The following ADGRL4 variants were observed in gnomAD, a reference collection of about 807,000 sequenced individuals.
ADGRL4 encodes the protein EGF, latrophilin and seven transmembrane domain containing 1.
ADGRL4 carries 90 observed loss-of-function variants against 74.8 expected under a neutral mutation model. That is an observed-to-expected ratio of 1.20 (90% confidence interval 1.02 to 1.43). ADGRL4 has a LOEUF of 1.43. Ranked by LOEUF, ADGRL4 falls within the 40% of genes most tolerant of loss-of-function variation. The pLI is 0.00. For missense variants in ADGRL4, 881 were observed against 814.3 expected, an observed-to-expected ratio of 1.08 and a Z score of -1.00; for synonymous variants, 311 against 279.2, an observed-to-expected ratio of 1.11 and a Z score of -1.14.
chr1:78,950,825 A>C (rs1466938337), intron 2 of ADGRL4, among the ~76,000 whole-genome samples: 1 of 152,164 alleles, frequency 6.6e-6, no homozygotes, highest in Non-Finnish European at 1.5e-5. Flanking sequence ...ACTTGGAGCG[A>C]TCTGGTGGAT....
chr1:78,895,966 A>G (rs1648388482), intron 12 of ADGRL4, among the ~76,000 whole-genome samples: 1 of 152,074 alleles, frequency 6.6e-6, no homozygotes, highest in Non-Finnish European at 1.5e-5. Context: ...AGGAGACTGC[A>G]CCTTAAATAG....
At chr1:79,001,243 G>GAGGGAGGA (rs1557526676) in intron 2 of ADGRL4, among the ~76,000 whole-genome samples, 3 of 124,748 alleles carry the variant, frequency 2.4e-5, no homozygotes, top group African/African-American at 9.3e-5. Flanking sequence ...GGGAGGGAGG[G>GAGGGAGGA]AGGAAGGAAG....
intron 2 of ADGRL4, among the ~76,000 whole-genome samples, chr1:78,986,789 G>T (rs1162149276): frequency 6.6e-6 from 1 of 151,696 alleles, no homozygotes; most frequent in Non-Finnish European, 1.5e-5. Context: ...ACTAAGAGTA[G>T]CTGGGGTCCT....
chr1:78,951,024 G>A (rs1224169771), intron 2 of ADGRL4, among the ~76,000 whole-genome samples: 4 of 152,076 alleles, frequency 2.6e-5, no homozygotes, highest in African/African-American at 4.8e-5. Flanking sequence ...GAAAGCTCAC[G>A]ACTCCCTTCT....
chr1:78,891,341 T>C lies in ADGRL4; in HGVS notation c.2011-125A>G, dbSNP rs558462927. ...GTATTATAGCTCAGAATATGTCCATTTAAGTTATATTTATATCCCTAATAC... is the reference window on the plus strand; with the variant it reads ...GTATTATAGCTCAGAATATGTCCATCTAAGTTATATTTATATCCCTAATAC... On this transcript the variant is annotated intron_variant, in intron 14 of 14. Transcript: ENST00000370742. 5.4e-5 allele frequency: 67 copies of C among 1,245,450 alleles called. No homozygotes were observed. The South Asian group carries it at 9.4e-4, about 17-fold the overall frequency. The allele number at this position is 1,245,450 out of a possible 1,614,324, so 77.1% of individuals were successfully genotyped here.
chr1:78,999,803 T>TCTATCTATCTAC (rs1350108129), intron 2 of ADGRL4, among the ~76,000 whole-genome samples: 20 of 144,592 alleles, frequency 1.4e-4, no homozygotes, highest in African/African-American at 5.2e-4. Flanking sequence ...TATCTATCTA[T>TCTATCTATCTAC]CTATCTATCT....
rs1230062014 is a variant in ADGRL4, at chr1:78,889,938, G to T, written c.*1216C>A. On this transcript the variant is annotated 3_prime_UTR_variant, in exon 15 of 15. Coordinates refer to ENST00000370742, the MANE Select transcript of ADGRL4 (RefSeq NM_022159.4). ...CACTGCTTATACATTTTAATGAGAA[G>T]ATTTAAAGACAGATAGAAGCTATAT... The T allele has an allele frequency of 5.5e-6, 2 of 364,908 alleles. No individual in the cohort carries two copies. The highest frequency in any genetic ancestry group is 1.1e-5 in the Non-Finnish European group (2 of 177,894). The allele number at this position is 364,908 out of a possible 1,614,324, so 22.6% of individuals were successfully genotyped here.
At chr1:78,955,617 G>T (rs938581306) in intron 2 of ADGRL4, among the ~76,000 whole-genome samples, 2 of 151,922 alleles carry the variant, frequency 1.3e-5, no homozygotes, top group Middle Eastern at 3.4e-3. Context: ...AAAATGTGAA[G>T]TTGAAATCTA....
At chr1:78,921,327 G>A (rs1552569) in intron 9 of ADGRL4, among the ~76,000 whole-genome samples, 13,275 of 150,044 alleles carry the variant, frequency 0.088, 778 homozygotes, top group East Asian at 0.33. Flanking sequence ...TGGGCAAATG[G>A]CTCTTGAAAG....
At chr1:78,974,119 A>T (rs1650231649) in intron 2 of ADGRL4, among the ~76,000 whole-genome samples, 1 of 152,130 alleles carries the variant, frequency 6.6e-6, no homozygotes, top group African/African-American at 2.4e-5. Context: ...TTCCTCCCTC[A>T]AACACGCATA....
chr1:78,992,249 G>C (rs374608876), intron 2 of ADGRL4, among the ~76,000 whole-genome samples: 93 of 152,060 alleles, frequency 6.1e-4, no homozygotes, highest in African/African-American at 2.0e-3. Flanking sequence ...CTGTCTTTCG[G>C]CAACTTATTT....
chr1:78,923,648 A>T (rs552708234), intron 8 of ADGRL4, among the ~76,000 whole-genome samples: 166 of 152,158 alleles, frequency 1.1e-3, no homozygotes, highest in Non-Finnish European at 1.9e-3. Flanking sequence ...TTTTTAAAAA[A>T]ATATATAAAT....
rs759902861 is a variant in ADGRL4 at position 78,921,696 on chromosome 1, T to C, written c.1174A>G (p.Thr392Ala). Residue 392 changes from threonine (T) to alanine (A), a missense_variant, in exon 9 of 15, where the codon ACA (threonine) becomes GCA (alanine). Transcript: ENST00000370742. ...GSWSSEGCELTYSNETHTSCR... is the reference protein window; with the variant it reads ...GSWSSEGCELAYSNETHTSCR... ...GAGGTGTGGGTCTCATTTGAGTATG[T>C]CAGCTCACAGCCCTCTGAAGACCAG... 1 of 1,604,454 alleles carries C rather than the reference T, an allele frequency of 6.2e-7. No individual in the cohort carries two copies. Among genetic ancestry groups the C allele is most frequent in the Non-Finnish European group, 8.5e-7 (1 of 1,175,406 alleles).
At chr1:78,893,787 C>A (rs887754724) in intron 12 of ADGRL4, among the ~76,000 whole-genome samples, 1 of 151,864 alleles carries the variant, frequency 6.6e-6, no homozygotes, top group Non-Finnish European at 1.5e-5. Context: ...TGTTGTTAGG[C>A]AAATAAATGT....
chr1:78,917,810 A>T lies in ADGRL4; in HGVS notation c.1682+20T>A. ...ATTCAAAATCGTATTTCAAATGCTC[A>T]TGAAATCATTTTAACTTACACTTTG... On this transcript the variant is annotated intron_variant, in intron 11 of 14. Transcript: ENST00000370742. 1.2e-6 allele frequency: 2 copies of T among 1,606,330 alleles called. No individual in the cohort carries two copies. Among genetic ancestry groups the T allele is most frequent in the Non-Finnish European group, 1.7e-6 (2 of 1,173,722 alleles).
In ADGRL4 at chr1:78,898,945, T is replaced by C. The variant is rs143166444; in HGVS notation, c.1750-5756A>G. On this transcript the variant is annotated intron_variant, in intron 12 of 14. Transcript: ENST00000370742. ...GAACGACAACTAATTCTGAAGGATTTAGAGCTACAGGTACATTCAACCCAA... is the reference window on the plus strand; with the variant it reads ...GAACGACAACTAATTCTGAAGGATTCAGAGCTACAGGTACATTCAACCCAA... Among the ~76,000 whole-genome samples the C allele has an allele frequency of 5.3e-4, 81 of 152,306 alleles. 1 individual carries two copies. Among genetic ancestry groups the C allele is most frequent in the African/African-American group, 1.9e-3 (80 of 41,582 alleles).
intron 2 of ADGRL4, among the ~76,000 whole-genome samples, chr1:78,987,414 C>T (rs113411549): frequency 0.051 from 7,779 of 151,654 alleles, 273 homozygotes; most frequent in African/African-American, 0.099. Flanking sequence ...ATAAAATAAA[C>T]AAATGTATAT....
Position 79,005,192 on chromosome 1 carries a change from G to A in ADGRL4, c.50C>T (p.Ser17Phe), listed in dbSNP as rs777880351. ...LVVFSTLLNC[S>F]YTQNCTKTPC... Reference sequence around the variant, plus strand: ...TGTCTTGGTGCAATTTTGAGTATAGGAACAATTCAACAAAGTGGAAAAAAC... The same window carrying A: ...TGTCTTGGTGCAATTTTGAGTATAGAAACAATTCAACAAAGTGGAAAAAAC... The change falls in exon 2 of 15, where the codon TCC becomes TTC. Residue 17 changes from serine (S) to phenylalanine (F), a missense_variant. Transcript: ENST00000370742. 2.5e-6 allele frequency: 4 copies of A among 1,609,458 alleles called. No homozygotes were observed. The highest frequency in any genetic ancestry group is 2.5e-6 in the Non-Finnish European group (3 of 1,178,082).
chr1:78,955,959 T>C (rs1649820575), intron 2 of ADGRL4, among the ~76,000 whole-genome samples: 1 of 152,168 alleles, frequency 6.6e-6, no homozygotes, highest in Non-Finnish European at 1.5e-5. Context: ...TGTACTTTCT[T>C]TACTATATAA....
Sources: gnomAD v4.1 joint callset for allele counts (sites outside exome capture counted in the v4.1 genomes callset) on GRCh38, gnomAD v4.1.1 for gene constraint, MANE v1.5 for transcripts, NCBI Gene and HGNC (gene_info 2026-07-23, HGNC 2026-07-21) for gene names.